CCSER1: variants seen among roughly 807,000 people sequenced by gnomAD.
The protein encoded by CCSER1 is serine-rich coiled-coil domain-containing protein 1.
In CCSER1, 41 loss-of-function variants were observed where a neutral mutation model predicts 82.0. The observed-to-expected ratio is 0.50, with a 90% CI of 0.39 to 0.65. The LOEUF (loss-of-function observed/expected upper bound fraction) is 0.65. Ranked by LOEUF, CCSER1 falls within the 30% of genes least tolerant of loss-of-function variation. The pLI, the probability that CCSER1 is intolerant of heterozygous loss-of-function variation, is 0.00. For synonymous variants in CCSER1, 414 were observed against 383.9 expected (o/e 1.08, Z -0.92); for missense variants, 1,119 against 1,064.2 (o/e 1.05, Z -0.72).
rs1387928206 is a variant in CCSER1 at position 90,956,193 on chromosome 4, T to C, written c.2172+32746T>C. ...AGTGCCTTAGAACTTTGTCAAAAGA[T>C]AAAAATGATTTTTATATAATTTCAA... On this transcript the variant is annotated intron_variant, in intron 9 of 10. Transcript: ENST00000509176. Among the ~76,000 whole-genome samples, 3 of 152,142 alleles carry C rather than the reference T, an allele frequency of 2.0e-5. No individual in the cohort carries two copies. In the East Asian group the frequency reaches 5.8e-4, roughly 29 times the overall value.
chr4:90,609,595 G>C (rs1428885776), intron 5 of CCSER1, among the ~76,000 whole-genome samples: 3 of 152,228 alleles, frequency 2.0e-5, no homozygotes, highest in Admixed American at 2.0e-4. Flanking sequence ...GAAAACTATA[G>C]AGCATTGTAT....
At chr4:90,794,266 A>T (rs2149673379) in intron 7 of CCSER1, among the ~76,000 whole-genome samples, 1 of 152,216 alleles carries the variant, frequency 6.6e-6, no homozygotes, top group Admixed American at 6.5e-5. Flanking sequence ...GTATTGCCTA[A>T]GTTGTCTTCC....
intron 1 of CCSER1, among the ~76,000 whole-genome samples, chr4:90,167,411 C>A (rs4403004): frequency 0.34 from 51,951 of 151,928 alleles, 11,103 homozygotes; most frequent in East Asian, 0.65. Context: ...TATCCACACA[C>A]TCATACGTAG....
chr4:90,643,138 T>C (rs1726880134), intron 6 of CCSER1, among the ~76,000 whole-genome samples: 1 of 152,220 alleles, frequency 6.6e-6, no homozygotes, highest in Admixed American at 6.5e-5. Flanking sequence ...TGTTTTGTTA[T>C]GCATGATCTA....
At chr4:91,577,701 C>T (rs1423752427) in intron 10 of CCSER1, among the ~76,000 whole-genome samples, 1 of 151,986 alleles carries the variant, frequency 6.6e-6, no homozygotes, top group African/African-American at 2.4e-5. Flanking sequence ...ATTCAAAATG[C>T]TAAGAGTCCC....
rs139979921 is a variant in CCSER1, at chr4:90,721,356, C to A, written c.1933-2558C>A. On this transcript the variant is annotated intron_variant, in intron 6 of 10. Coordinates refer to ENST00000509176, the MANE Select transcript of CCSER1 (RefSeq NM_001145065.2). The stretch of plus-strand genomic sequence containing the variant: ...CTTATGACAGGAATGTCTATTGTGT[C>A]TCCAATGGATTAAAAAAAAATTCAT... Among the ~76,000 whole-genome samples the A allele has an allele frequency of 3.1e-3, 445 of 145,806 alleles. 1 individual carries two copies. The highest frequency in any genetic ancestry group is 0.011 in the Middle Eastern group (3 of 280).
At chr4:90,788,623 C>T (rs562263020) in intron 7 of CCSER1, among the ~76,000 whole-genome samples, 1 of 152,238 alleles carries the variant, frequency 6.6e-6, no homozygotes, top group Non-Finnish European at 1.5e-5. Flanking sequence ...TCACTTCCCT[C>T]CAGTATTTTC....
intron 3 of CCSER1, among the ~76,000 whole-genome samples, chr4:90,372,816 T>C (rs904382641): frequency 1.3e-5 from 2 of 152,022 alleles, no homozygotes; most frequent in African/African-American, 4.8e-5. Flanking sequence ...GCCATGTCAA[T>C]AGCCTGGGAA....
chr4:90,151,738 C>G (rs1159254743), intron 1 of CCSER1, among the ~76,000 whole-genome samples: 5 of 152,046 alleles, frequency 3.3e-5, no homozygotes, highest in Admixed American at 6.6e-5. Context: ...TCCATTTGTT[C>G]AGTTATTTAA....
chr4:90,715,557 T>C (rs891118328), intron 6 of CCSER1, among the ~76,000 whole-genome samples: 4 of 152,034 alleles, frequency 2.6e-5, no homozygotes, highest in Non-Finnish European at 4.4e-5. Context: ...TCTCTTGGGA[T>C]ATTATATCTC....
At chr4:90,695,968 A>T (rs913496542) in intron 6 of CCSER1, among the ~76,000 whole-genome samples, 28 of 152,178 alleles carry the variant, frequency 1.8e-4, no homozygotes, top group African/African-American at 6.5e-4. Flanking sequence ...TGAAATGCAA[A>T]TATTTTAAAT....
Position 91,573,280 on chromosome 4 carries a change from G to A in CCSER1, c.2218-25292G>A, listed in dbSNP as rs574770004. On this transcript the variant is annotated intron_variant, in intron 10 of 10. Coordinates refer to ENST00000509176, the MANE Select transcript of CCSER1 (RefSeq NM_001145065.2). ...AGGGAGATACAATGCTGCCATTGGT[G>A]GCTGGCTGGAATTCTAAGTCAGTGG... Among the ~76,000 whole-genome samples, 3 of 152,318 alleles carry A rather than the reference G, an allele frequency of 2.0e-5. No individual in the cohort carries two copies. In the South Asian group the frequency reaches 6.2e-4, roughly 32 times the overall value.
In CCSER1 at chr4:90,855,727, G is replaced by T. The variant is rs77977942; in HGVS notation, c.2094+39882G>T. ...TTATGTTCTGGCTTCACTATTAGATGACTATTTACTAACTCTGTATCTTAA... is the reference window on the plus strand; with the variant it reads ...TTATGTTCTGGCTTCACTATTAGATTACTATTTACTAACTCTGTATCTTAA... On this transcript the variant is annotated intron_variant, in intron 8 of 10. Coordinates refer to ENST00000509176, the MANE Select transcript of CCSER1 (RefSeq NM_001145065.2). Among the ~76,000 whole-genome samples the T allele has an allele frequency of 1.2e-4, 19 of 152,096 alleles. No homozygotes were observed. The East Asian group carries it at 3.7e-3, about 29-fold the overall frequency.
chr4:91,374,971 C>T (rs1157041329), intron 10 of CCSER1, among the ~76,000 whole-genome samples: 1 of 152,102 alleles, frequency 6.6e-6, no homozygotes, highest in Non-Finnish European at 1.5e-5. Flanking sequence ...TGCATTCCAG[C>T]CTGGGAGAGA....
intron 10 of CCSER1, among the ~76,000 whole-genome samples, chr4:91,436,135 C>T (rs1396698834): frequency 2.6e-5 from 4 of 152,080 alleles, no homozygotes; most frequent in South Asian, 2.1e-4. Flanking sequence ...CTGTTACTTT[C>T]GATGTCAAGA....
At chr4:90,874,779 G>T (rs751205081) in intron 8 of CCSER1, among the ~76,000 whole-genome samples, 1 of 152,128 alleles carries the variant, frequency 6.6e-6, no homozygotes, top group Non-Finnish European at 1.5e-5. Context: ...TGGGTGTGGT[G>T]TCTCACACCT....
At chr4:90,956,044 C>G (rs1425006455) in intron 9 of CCSER1, among the ~76,000 whole-genome samples, 1 of 152,084 alleles carries the variant, frequency 6.6e-6, no homozygotes, top group Admixed American at 6.5e-5. Flanking sequence ...AAGAATCTCT[C>G]ACTTCCTCAC....
At chr4:90,545,229 G>A (rs578040147) in intron 5 of CCSER1, among the ~76,000 whole-genome samples, 3 of 152,048 alleles carry the variant, frequency 2.0e-5, no homozygotes, top group Non-Finnish European at 1.5e-5. Context: ...CATTGGGAAG[G>A]TTTTTTACTT....
At chr4:90,142,949 T>C (rs148628868) in intron 1 of CCSER1, among the ~76,000 whole-genome samples, 8 of 152,318 alleles carry the variant, frequency 5.3e-5, no homozygotes, top group African/African-American at 1.9e-4. Context: ...ATAACACATA[T>C]ATTGCAATAG....
Sources: allele counts gnomAD v4.1 joint callset (sites outside exome capture counted in the v4.1 genomes callset), GRCh38; gene constraint gnomAD v4.1.1; transcripts MANE v1.5; gene names NCBI Gene and HGNC (gene_info 2026-07-23, HGNC 2026-07-21).